The following IGSF21 variants were observed in gnomAD, a reference collection of about 807,000 sequenced individuals.
IGSF21 encodes immunoglobulin superfamily member 21.
IGSF21 carries 28 observed loss-of-function variants against 46.8 expected under a neutral mutation model. That is an observed-to-expected ratio of 0.60 (90% CI 0.44 to 0.82). The LOEUF is 0.82. Among genes scored for constraint, IGSF21 ranks in the 40% least tolerant of loss-of-function variants. IGSF21 has a pLI of 0.00. For synonymous variants in IGSF21, 284 were observed against 273.6 expected (o/e 1.04, Z -0.38); for missense variants, 624 against 665.5 (o/e 0.94, Z 0.69).
At chr1:18,345,305 G>C (rs187161299) in intron 4 of IGSF21, among the ~76,000 whole-genome samples, 2 of 152,342 alleles carry the variant, frequency 1.3e-5, no homozygotes, top group Admixed American at 1.3e-4. Flanking sequence ...GTGGCTAAGG[G>C]TATGGGCTTT....
At chr1:18,369,128 A>C (rs1391261034) in intron 6 of IGSF21, among the ~76,000 whole-genome samples, 1 of 152,192 alleles carries the variant, frequency 6.6e-6, no homozygotes, top group Non-Finnish European at 1.5e-5. Flanking sequence ...TGGGGGACAC[A>C]GCAGGGCCAC....
At chr1:18,150,411 G>C (rs908013938) in intron 1 of IGSF21, among the ~76,000 whole-genome samples, 6 of 152,140 alleles carry the variant, frequency 3.9e-5, no homozygotes, top group Non-Finnish European at 7.4e-5. Context: ...GGCATGGCGG[G>C]GGGGGTCTCA....
chr1:18,140,211 G>A (rs12124706), intron 1 of IGSF21, among the ~76,000 whole-genome samples: 35,953 of 152,184 alleles, frequency 0.24, 4,582 homozygotes, highest in Non-Finnish European at 0.29. Flanking sequence ...GCATCCCAGA[G>A]TGCTGGAATC....
intron 4 of IGSF21, among the ~76,000 whole-genome samples, chr1:18,346,770 G>A (rs1448583292): frequency 6.6e-6 from 1 of 152,228 alleles, no homozygotes; most frequent in Non-Finnish European, 1.5e-5. Context: ...AGCAGAATGA[G>A]AAGTGGGGGG....
intron 2 of IGSF21, among the ~76,000 whole-genome samples, chr1:18,242,415 G>A (rs2124519130): frequency 6.6e-6 from 1 of 152,290 alleles, no homozygotes; most frequent in Non-Finnish European, 1.5e-5. Context: ...TGAGAGGGAT[G>A]GCTTCTGAAT....
chr1:18,207,771 T>A (rs568201386), intron 1 of IGSF21, among the ~76,000 whole-genome samples: 2 of 152,314 alleles, frequency 1.3e-5, no homozygotes, highest in East Asian at 3.9e-4. Flanking sequence ...GGATTCCCTG[T>A]TGACACCTCT....
At chr1:18,362,347 ACT>A (rs1037769838) in intron 5 of IGSF21, 117 bp downstream of exon 5, 6 of 720,202 alleles carry the variant, frequency 8.3e-6, no homozygotes, top group African/African-American at 3.5e-5. Context: ...GCCAGGGCTG[ACT>A]CTGTCCCCAT....
intron 2 of IGSF21, among the ~76,000 whole-genome samples, chr1:18,270,106 C>G (rs568832165): frequency 1.3e-5 from 2 of 152,182 alleles, no homozygotes; most frequent in Non-Finnish European, 2.9e-5. Context: ...CACTGGCTGA[C>G]TCTACACTAG....
At chr1:18,316,241 G>C (rs534624829) in intron 3 of IGSF21, among the ~76,000 whole-genome samples, 18 of 152,324 alleles carry the variant, frequency 1.2e-4, no homozygotes, top group Admixed American at 7.2e-4. Flanking sequence ...TGTCAGAGCA[G>C]AGCTGTCATC....
intron 1 of IGSF21, among the ~76,000 whole-genome samples, chr1:18,220,537 G>T (rs61762148): frequency 0.14 from 21,387 of 152,040 alleles, 1,888 homozygotes; most frequent in South Asian, 0.19. Context: ...TTTGATCCAG[G>T]TGCTGTTCTA....
At chr1:18,316,050 T>C (rs2085540408) in intron 3 of IGSF21, among the ~76,000 whole-genome samples, 1 of 152,162 alleles carries the variant, frequency 6.6e-6, no homozygotes, top group African/African-American at 2.4e-5. Flanking sequence ...CCCGCTTGAC[T>C]CTCAAGCTTA....
chr1:18,301,320 T>TTTTGTTTGTTTG (rs71575879), intron 3 of IGSF21, among the ~76,000 whole-genome samples: 7 of 150,598 alleles, frequency 4.6e-5, no homozygotes, highest in African/African-American at 1.7e-4. Flanking sequence ...ATGGTAATTG[T>TTTTGTTTGTTTG]TTTGTTTGTT....
rs570191619 is a variant in IGSF21 at position 18,201,728 on chromosome 1, T to A, written c.71-26170T>A. ...ATTGGGGTGTGTGTCGGGGGGTCTG[T>A]CCGTTACTGGCATCCCTCTCCCATC... On this transcript the variant is annotated intron_variant, in intron 1 of 9. Coordinates refer to ENST00000251296, the MANE Select transcript of IGSF21 (RefSeq NM_032880.5). 1.4e-4 allele frequency among the ~76,000 whole-genome samples: 21 copies of A among 152,222 alleles called. 1 individual carries two copies. The South Asian group carries it at 4.4e-3, about 32-fold the overall frequency.
intron 2 of IGSF21, among the ~76,000 whole-genome samples, chr1:18,251,224 A>G (rs926731363): frequency 6.6e-6 from 1 of 152,126 alleles, no homozygotes; most frequent in Non-Finnish European, 1.5e-5. Context: ...GACTTAGTGG[A>G]GAGTCTTAGG....
At chr1:18,327,457 T>C (rs1336981056) in intron 3 of IGSF21, among the ~76,000 whole-genome samples, 1 of 152,168 alleles carries the variant, frequency 6.6e-6, no homozygotes, top group Non-Finnish European at 1.5e-5. Context: ...TGCCAGGCCT[T>C]TGAGGCTCTG....
intron 2 of IGSF21, among the ~76,000 whole-genome samples, chr1:18,245,402 G>A (rs969452010): frequency 6.6e-6 from 1 of 152,034 alleles, no homozygotes; most frequent in African/African-American, 2.4e-5. Context: ...TAAACAAATA[G>A]CTTGTGTAGC....
chr1:18,206,739 C>T (rs1192535171), intron 1 of IGSF21, among the ~76,000 whole-genome samples: 1 of 152,116 alleles, frequency 6.6e-6, no homozygotes, highest in African/African-American at 2.4e-5. Flanking sequence ...GCTTCTGGGC[C>T]ATGGAGAGGA....
intron 1 of IGSF21, among the ~76,000 whole-genome samples, chr1:18,179,981 C>T (rs535216724): frequency 8.5e-5 from 13 of 152,346 alleles, no homozygotes; most frequent in African/African-American, 2.9e-4. Context: ...CTCTCCTGGC[C>T]TGGCATCCTC....
chr1:18,321,297 C>T (rs545012852), intron 3 of IGSF21, among the ~76,000 whole-genome samples: 39 of 152,284 alleles, frequency 2.6e-4, no homozygotes, highest in African/African-American at 8.9e-4. Flanking sequence ...CCCAGAGCCT[C>T]CACTCACTCT....
Sources: allele counts gnomAD v4.1 joint callset (sites outside exome capture counted in the v4.1 genomes callset), GRCh38; gene constraint gnomAD v4.1.1; transcripts MANE v1.5; gene names NCBI Gene and HGNC (gene_info 2026-07-23, HGNC 2026-07-21).